PRKCE: variants seen among roughly 807,000 people sequenced by gnomAD.
The protein encoded by PRKCE is protein kinase C epsilon, also known as protein kinase C epsilon type.
In PRKCE, 16 loss-of-function variants were observed where a neutral mutation model predicts 85.4. The ratio of observed to expected loss-of-function variants is 0.19; its 90% confidence interval spans 0.13 to 0.28. The LOEUF (loss-of-function observed/expected upper bound fraction) is 0.28, where lower values mean the gene tolerates loss of function less well. PRKCE is among the 10% of genes least tolerant of loss of function. The pLI, the probability that PRKCE is intolerant of heterozygous loss-of-function variation, is 1.00. For synonymous variants in PRKCE, 388 were observed against 371.5 expected, an observed-to-expected ratio of 1.04 and a Z score of -0.51; for missense variants, 573 against 975.2, an observed-to-expected ratio of 0.59 and a Z score of 5.49.
chr2:45,728,507 G>GCAA (rs1558603640), intron 1 of PRKCE, among the ~76,000 whole-genome samples: 2 of 152,138 alleles, frequency 1.3e-5, no homozygotes, highest in Non-Finnish European at 2.9e-5. Context: ...CTTGCTTTGA[G>GCAA]GGTGGTGCAA....
chr2:45,868,021 GT>G (rs996253754), intron 2 of PRKCE, among the ~76,000 whole-genome samples: 1 of 152,004 alleles, frequency 6.6e-6, no homozygotes, highest in African/African-American at 2.4e-5. Context: ...TTCCCGCCAG[GT>G]TTTTCTATGG....
Position 46,187,810 on chromosome 2 carries a change from T to G in PRKCE, c.*2929T>G, listed in dbSNP as rs1304367614. ...AAAATGTATTCAATTTTAGGATTTT[T>G]TTTTTTTGTATTGTGATGCTTTATT... On this transcript the variant is annotated 3_prime_UTR_variant, in exon 15 of 15. Transcript: ENST00000306156. 1 of 152,518 alleles carries G rather than the reference T, an allele frequency of 6.6e-6. No individual in the cohort carries two copies. The highest frequency in any genetic ancestry group is 1.5e-5 in the Non-Finnish European group (1 of 68,018). 9.4% of individuals were successfully genotyped at this position (152,518 alleles called of 1,614,324 possible). A position where few individuals can be genotyped will look rare whatever the true frequency, so the allele number is the denominator to read the frequency against.
intron 10 of PRKCE, among the ~76,000 whole-genome samples, chr2:46,064,102 T>A (rs112614754): frequency 0.17 from 25,680 of 151,738 alleles, 2,304 homozygotes; most frequent in African/African-American, 0.23. Flanking sequence ...GCCAACATGG[T>A]GAAACCCTGT....
Position 46,080,333 on chromosome 2 carries a change from T to TTA in PRKCE, c.1438-5875_1438-5874insTA, listed in dbSNP as rs1553340268. ...CTTGCTTTAAAACACCCTTAATGTG[T>TTA]AAAAAAAGAGTTGATCGTGCTTTGG... On this transcript the variant is annotated intron_variant, in intron 10 of 14. Coordinates refer to ENST00000306156, the MANE Select transcript of PRKCE (RefSeq NM_005400.3). Among the ~76,000 whole-genome samples, 11 of 152,070 alleles carry TTA rather than the reference T, an allele frequency of 7.2e-5. No individual in the cohort carries two copies. In the East Asian group the frequency reaches 1.7e-3, roughly 24 times the overall value.
intron 5 of PRKCE, among the ~76,000 whole-genome samples, chr2:45,984,033 A>G (rs2595212): frequency 0.82 from 122,953 of 150,390 alleles, 50,615 homozygotes; most frequent in East Asian, 0.99. Context: ...TGCCTCCCGG[A>G]TTCAAGCAAT....
At chr2:45,974,130 G>T (rs1702280270) in intron 2 of PRKCE, among the ~76,000 whole-genome samples, 1 of 152,138 alleles carries the variant, frequency 6.6e-6, no homozygotes, top group Non-Finnish European at 1.5e-5. Flanking sequence ...TTGGTTTTTG[G>T]TTGTCATATT....
intron 10 of PRKCE, among the ~76,000 whole-genome samples, chr2:46,022,927 C>CA (rs1343358710): frequency 6.6e-6 from 1 of 150,916 alleles, no homozygotes; most frequent in Non-Finnish European, 1.5e-5. Flanking sequence ...ACTAAAAATA[C>CA]AAAAAATTAG....
At chr2:45,914,727 A>C (rs571637236) in intron 2 of PRKCE, among the ~76,000 whole-genome samples, 1 of 152,294 alleles carries the variant, frequency 6.6e-6, no homozygotes, top group African/African-American at 2.4e-5. Flanking sequence ...TCTTTCATTG[A>C]TGGCAAGTTA....
chr2:45,976,490 G>T lies in PRKCE; in HGVS notation c.474G>T (p.Gly158=). The T allele has an allele frequency of 1.9e-6, 3 of 1,599,766 alleles. No individual in the cohort carries two copies. Among genetic ancestry groups the T allele is most frequent in the Non-Finnish European group, 2.5e-6 (3 of 1,179,954 alleles). ...RERMRPRKRQ[G]AVRRRVHQVN... ...GCATGCGGCCGAGGAAGCGGCAGGGGGCCGTCAGGCGCAGGGTCCATCAGG... is the reference window on the plus strand; with the variant it reads ...GCATGCGGCCGAGGAAGCGGCAGGGTGCCGTCAGGCGCAGGGTCCATCAGG... The change falls in exon 3 of 15, where the codon GGG becomes GGT. Residue 158 remains glycine, a synonymous_variant. Transcript: ENST00000306156.
At chr2:45,737,228 C>T (rs905841380) in intron 1 of PRKCE, among the ~76,000 whole-genome samples, 4 of 152,176 alleles carry the variant, frequency 2.6e-5, no homozygotes, top group African/African-American at 4.8e-5. Context: ...GGTGGGTGAG[C>T]GAGCGAGCAA....
rs1202959633 is a variant in PRKCE, at chr2:46,180,776, C to A, written c.2068-3959C>A. 2.0e-5 allele frequency among the ~76,000 whole-genome samples: 3 copies of A among 152,200 alleles called. No individual in the cohort carries two copies. In the South Asian group the frequency reaches 6.2e-4, roughly 32 times the overall value. ...CCTATAGTGTGCCTGTTACCACCCCCGTGTGACAGATGGAAAGACCACGGC... is the reference window on the plus strand; with the variant it reads ...CCTATAGTGTGCCTGTTACCACCCCAGTGTGACAGATGGAAAGACCACGGC... On this transcript the variant is annotated intron_variant, in intron 14 of 14. Transcript: ENST00000306156.
intron 2 of PRKCE, among the ~76,000 whole-genome samples, chr2:45,910,043 G>GC (rs34134779): frequency 0.29 from 43,540 of 147,768 alleles, 6,553 homozygotes; most frequent in South Asian, 0.38. Flanking sequence ...TAAACTCACC[G>GC]CCCCCCCCCA....
At chr2:45,860,081 C>T (rs1693020561) in intron 2 of PRKCE, among the ~76,000 whole-genome samples, 1 of 151,782 alleles carries the variant, frequency 6.6e-6, no homozygotes, top group Admixed American at 6.6e-5. Context: ...AGTTTGTTTA[C>T]TAATTATCCG....
intron 14 of PRKCE, among the ~76,000 whole-genome samples, chr2:46,178,898 G>A (rs933434852): frequency 5.9e-5 from 9 of 152,110 alleles, no homozygotes; most frequent in African/African-American, 1.4e-4. Context: ...CATAGGAGCC[G>A]GGAGGAGGGC....
At chr2:46,013,713 A>G (rs1300832379) in intron 10 of PRKCE, among the ~76,000 whole-genome samples, 1 of 152,232 alleles carries the variant, frequency 6.6e-6, no homozygotes, top group Non-Finnish European at 1.5e-5. Flanking sequence ...TAATTATGAC[A>G]TACAGAACAG....
chr2:45,998,835 A>T (rs547949703), intron 6 of PRKCE, among the ~76,000 whole-genome samples: 1 of 152,246 alleles, frequency 6.6e-6, no homozygotes, highest in South Asian at 2.1e-4. Flanking sequence ...CGTATCATTT[A>T]TACTTTCTTT....
intron 14 of PRKCE, among the ~76,000 whole-genome samples, chr2:46,170,459 C>T (rs577226686): frequency 6.6e-6 from 1 of 152,192 alleles, no homozygotes; most frequent in African/African-American, 2.4e-5. Context: ...ATTAGCAATG[C>T]ACAGTAATTA....
At chr2:45,719,915 C>A (rs1434456132) in intron 1 of PRKCE, among the ~76,000 whole-genome samples, 2 of 152,066 alleles carry the variant, frequency 1.3e-5, no homozygotes, top group Non-Finnish European at 2.9e-5. Context: ...GAGAAAAAGA[C>A]CCTGTCTCCT....
intron 2 of PRKCE, among the ~76,000 whole-genome samples, chr2:45,951,844 G>GTTTT (rs1243667835): frequency 6.6e-6 from 1 of 152,108 alleles, no homozygotes; most frequent in African/African-American, 2.4e-5. Context: ...GTTTTGTTTT[G>GTTTT]TTTTTTGAGA....
Sources: allele counts gnomAD v4.1 joint callset (sites outside exome capture counted in the v4.1 genomes callset), GRCh38; gene constraint gnomAD v4.1.1; transcripts MANE v1.5; gene names NCBI Gene and HGNC (gene_info 2026-07-23, HGNC 2026-07-21).